PCDHA4: variants seen among roughly 807,000 people sequenced by gnomAD.
PCDHA4 encodes protocadherin alpha 4.
In PCDHA4, 49 loss-of-function variants were observed where a neutral mutation model predicts 61.4. The ratio of observed to expected loss-of-function variants is 0.80; its 90% CI spans 0.63 to 1.01. The LOEUF is 1.01. Ranked by LOEUF, PCDHA4 falls within the 50% of genes least tolerant of loss-of-function variation. PCDHA4 has a pLI of 0.00. For missense variants in PCDHA4, 1,254 were observed against 1,235.8 expected (o/e 1.01, Z -0.22); for synonymous variants, 590 against 550.3 (o/e 1.07, Z -1.01).
chr5:141,000,375 C>G (rs1253953172), intron 3 of PCDHA4, among the ~76,000 whole-genome samples: 8 of 57,690 alleles, frequency 1.4e-4, no homozygotes, highest in Non-Finnish European at 1.9e-4. Context: ...CTCTCTCTCT[C>G]TCTCTCTCTC....
At chr5:140,846,526 C>T (rs1554141357) in intron 1 of PCDHA4, among the ~76,000 whole-genome samples, 1 of 148,306 alleles carries the variant, frequency 6.7e-6, no homozygotes, top group Non-Finnish European at 1.5e-5. Context: ...AGGTGCATGC[C>T]ACCATGCCCT....
rs1458261257 is a variant in PCDHA4, at chr5:140,941,194, TCTTTCTTCCTTTCTTTCTTC to T, written c.2386-37747_2386-37728del. Among the ~76,000 whole-genome samples the T allele has an allele frequency of 1.9e-3, 217 of 112,428 alleles. 2 individuals carry two copies. Among genetic ancestry groups the T allele is most frequent in the African/African-American group, 6.9e-3 (195 of 28,326 alleles). 73.8% of individuals were successfully genotyped at this position (112,428 alleles called of 152,430 possible). A position where few individuals can be genotyped will look rare whatever the true frequency, so the allele number is the denominator to read the frequency against. On this transcript the variant is annotated intron_variant, in intron 1 of 3. Coordinates refer to ENST00000530339, the MANE Select transcript of PCDHA4 (RefSeq NM_018907.4). ...CTTGAACATCCTGCTTCTTTTTTTT[TCTTTCTTCCTTTCTTTCTTC>T]CTTTCTTTCTTTCTTTCTTTCTTTC...
chr5:140,854,176 AG>A (rs2150310267), intron 1 of PCDHA4: 7 of 663,702 alleles, frequency 1.1e-5, no homozygotes, highest in East Asian at 1.3e-4. Flanking sequence ...AAAAAAAAAA[AG>A]AGTAGTTTAA....
intron 1 of PCDHA4, chr5:140,875,916 G>GC: frequency 6.2e-7 from 1 of 1,614,086 alleles, no homozygotes. Context: ...CTGCGCCTCT[G>GC]GACTCTCATT....
chr5:140,808,052 G>A lies in PCDHA4; in HGVS notation c.865G>A (p.Val289Met). 2 of 1,614,034 alleles carry A rather than the reference G, an allele frequency of 1.2e-6. No homozygotes were observed. The highest frequency in any genetic ancestry group is 1.7e-6 in the Non-Finnish European group (2 of 1,179,950). The change falls in exon 1 of 4, where the codon GTG (valine) becomes ATG (methionine). Residue 289 changes from valine to methionine, a missense_variant. By Grantham distance (21) the Val-to-Met change is conservative. Transcript: ENST00000530339. ...YSFSNDISPN[V>M]KSKFHIDPIT... is the part of the protein sequence containing the mutation. ...ATTCTCAAATGATATTTCGCCAAAT[G>A]TGAAATCCAAGTTTCACATAGATCC...
intron 1 of PCDHA4, chr5:140,836,596 C>T (rs2150264981): frequency 6.2e-7 from 1 of 1,613,764 alleles, no homozygotes; most frequent in Non-Finnish European, 8.5e-7. Context: ...GTAAAGCCCA[C>T]TCTGGTGTGC....
chr5:140,969,631 G>C (rs1554231956), intron 1 of PCDHA4: 1 of 227,796 alleles, frequency 4.4e-6, no homozygotes, highest in Non-Finnish European at 7.3e-6. Flanking sequence ...AAACAGGACA[G>C]GCCTTGGAAT....
In PCDHA4 at chr5:141,012,200, T is replaced by A. The variant is rs2098423248; in HGVS notation, c.*2263T>A. On this transcript the variant is annotated 3_prime_UTR_variant, in exon 4 of 4. Coordinates refer to ENST00000530339, the MANE Select transcript of PCDHA4 (RefSeq NM_018907.4). The stretch of plus-strand genomic sequence containing the variant: ...TAATTATAATGTATCTGTACAGCAC[T>A]TTTTACATTTGCGAAGTGCTTTCCA... 6.5e-6 allele frequency: 1 copy of A among 153,778 alleles called. No homozygotes were observed. The highest frequency in any genetic ancestry group is 1.5e-5 in the Non-Finnish European group (1 of 68,048). 9.5% of individuals were successfully genotyped at this position (153,778 alleles called of 1,614,324 possible). A position where few individuals can be genotyped will look rare whatever the true frequency, so the allele number is the denominator to read the frequency against.
At chr5:140,927,808 T>A (rs782535814) in intron 1 of PCDHA4, 1 of 1,614,208 alleles carries the variant, frequency 6.2e-7, no homozygotes, top group African/African-American at 1.3e-5. Context: ...TGAAACGCTC[T>A]TGGAGGCATA....
chr5:140,868,360 T>C (rs1403678889), intron 1 of PCDHA4: 1 of 152,130 alleles, frequency 6.6e-6, no homozygotes, highest in African/African-American at 2.4e-5. Context: ...AGCAATTAAA[T>C]GTAAATAACA....
chr5:140,970,096 T>C (rs2096383552), intron 1 of PCDHA4, among the ~76,000 whole-genome samples: 1 of 152,066 alleles, frequency 6.6e-6, no homozygotes, highest in South Asian at 2.1e-4. Flanking sequence ...GGGGGGATGG[T>C]GAAGACCAAG....
chr5:140,890,439 A>C lies in PCDHA4; in HGVS notation c.2385+80867A>C, dbSNP rs114755692. On this transcript the variant is annotated intron_variant, in intron 1 of 3. Coordinates refer to ENST00000530339, the MANE Select transcript of PCDHA4 (RefSeq NM_018907.4). The stretch of plus-strand genomic sequence containing the variant: ...TATTTAGTTTATATTTACAATACCT[A>C]GTGATATCTTTAGGCACAAATATTT... 7.6e-3 allele frequency among the ~76,000 whole-genome samples: 1,153 copies of C among 152,326 alleles called. 6 individuals are homozygous for C. Among genetic ancestry groups the C allele is most frequent in the Non-Finnish European group, 0.013 (886 of 68,014 alleles).
chr5:140,836,333 T>C (rs2150258058), intron 1 of PCDHA4: 3 of 1,613,682 alleles, frequency 1.9e-6, no homozygotes, highest in South Asian at 2.2e-5. Flanking sequence ...TTCTGGTGCT[T>C]GTGAAGGACC....
chr5:140,877,572 C>T (rs2057210526), intron 1 of PCDHA4: 6 of 1,613,784 alleles, frequency 3.7e-6, no homozygotes, highest in Non-Finnish European at 4.2e-6. Flanking sequence ...ACGTGTACCT[C>T]ATCATCGCCA....
chr5:140,968,444 A>G (rs781941315), intron 1 of PCDHA4: 1 of 1,614,048 alleles, frequency 6.2e-7, no homozygotes, highest in South Asian at 1.1e-5. Context: ...CCCACCACTG[A>G]GCAGCACTGT....
Position 140,821,983 on chromosome 5 carries a change from C to G in PCDHA4, c.2385+12411C>G. 6.2e-7 allele frequency: 1 copy of G among 1,614,148 alleles called. No individual in the cohort carries two copies. On this transcript the variant is annotated intron_variant, in intron 1 of 3. Coordinates refer to ENST00000530339, the MANE Select transcript of PCDHA4 (RefSeq NM_018907.4). ...CCTGTTCCGGGTGGCGTCCAAGGGC[C>G]GCGGGGACCTTCTGGAGGTAAATCT...
intron 1 of PCDHA4, chr5:140,812,869 C>T (rs186050510): frequency 2.7e-4 from 41 of 152,216 alleles, no homozygotes; most frequent in Admixed American, 2.4e-3. Flanking sequence ...CTTTTGATTT[C>T]CCCTTTCATT....
At chr5:140,999,892 G>A (rs1329841334) in intron 3 of PCDHA4, among the ~76,000 whole-genome samples, 1 of 152,134 alleles carries the variant, frequency 6.6e-6, no homozygotes, top group Non-Finnish European at 1.5e-5. Context: ...GCTGTAGCTT[G>A]GGACACCAAA....
chr5:140,846,178 G>T (rs2150385394), intron 1 of PCDHA4, among the ~76,000 whole-genome samples: 1 of 149,272 alleles, frequency 6.7e-6, no homozygotes, highest in Non-Finnish European at 1.5e-5. Context: ...GCCTGAGTAG[G>T]CGTTTGAGTT....
Sources: allele counts gnomAD v4.1 joint callset (sites outside exome capture counted in the v4.1 genomes callset), GRCh38; gene constraint gnomAD v4.1.1; transcripts MANE v1.5; gene names NCBI Gene and HGNC (gene_info 2026-07-23, HGNC 2026-07-21).